HECW1: variants seen among roughly 807,000 people sequenced by gnomAD.
The protein encoded by HECW1 is E3 ubiquitin-protein ligase HECW1.
In HECW1, 61 loss-of-function variants were observed where a neutral mutation model predicts 182.3. The observed-to-expected ratio is 0.33, with a 90% CI of 0.27 to 0.41. The LOEUF is 0.41. Among genes scored for constraint, HECW1 ranks in the 10% least tolerant of loss-of-function variants. HECW1 has a pLI of 1.00. For synonymous variants in HECW1, 859 were observed against 832.6 expected (o/e 1.03, Z -0.55); for missense variants, 1,739 against 2,108.9 (o/e 0.82, Z 3.44).
At chr7:43,237,069 A>AGGAG (rs1798418255) in intron 2 of HECW1, among the ~76,000 whole-genome samples, 2 of 141,930 alleles carry the variant, frequency 1.4e-5, no homozygotes, top group Admixed American at 7.0e-5. Flanking sequence ...AGGGAGGAGA[A>AGGAG]GGAGGGAGGG....
Position 43,445,548 on chromosome 7 carries a change from AG to A in HECW1, c.2378del (p.Gly793ValfsTer19). 1 of 1,597,076 alleles carries A rather than the reference AG, an allele frequency of 6.3e-7. No individual in the cohort carries two copies. The highest frequency in any genetic ancestry group is 8.6e-7 in the Non-Finnish European group (1 of 1,168,676). ...CGGAAGGTCTGGAATCCCCCGTGGC[AG>A]GTCCAAGCAATCGGAGAGAAGGTTA... The part of the protein sequence containing the change: ...SPEGLESPVA[G>X]PSNRREGECP... On this transcript the variant is annotated frameshift_variant, in exon 11 of 30. Transcript: ENST00000395891. LOFTEE classifies it high-confidence loss of function.
chr7:43,449,665 A>G (rs974593985), intron 11 of HECW1, among the ~76,000 whole-genome samples: 1 of 152,218 alleles, frequency 6.6e-6, no homozygotes, highest in Non-Finnish European at 1.5e-5. Context: ...GACCCAAGGG[A>G]TAATGGAACA....
chr7:43,438,286 T>C (rs2076772437), intron 9 of HECW1, 141 bp downstream of exon 9: 2 of 675,090 alleles, frequency 3.0e-6, no homozygotes, highest in Non-Finnish European at 4.8e-6. Flanking sequence ...TCCTACTAAT[T>C]ATGTTGCCTG....
At chr7:43,398,771 C>T (rs757334235) in intron 7 of HECW1, among the ~76,000 whole-genome samples, 26 of 152,202 alleles carry the variant, frequency 1.7e-4, no homozygotes, top group Non-Finnish European at 3.2e-4. Flanking sequence ...TAGTATCACT[C>T]AAATCAGTCT....
intron 6 of HECW1, among the ~76,000 whole-genome samples, chr7:43,382,321 G>C (rs1020911872): frequency 2.0e-5 from 3 of 152,044 alleles, no homozygotes; most frequent in African/African-American, 7.2e-5. Flanking sequence ...AGCCCCTTCA[G>C]AGGACTGTGG....
At chr7:43,365,461 C>CG (rs1562890652) in intron 6 of HECW1, among the ~76,000 whole-genome samples, 1 of 151,846 alleles carries the variant, frequency 6.6e-6, no homozygotes, top group Admixed American at 6.6e-5. Flanking sequence ...CATTCCCACC[C>CG]GTGTGGGGCC....
intron 6 of HECW1, among the ~76,000 whole-genome samples, chr7:43,375,890 C>CAA (rs71011911): frequency 0.011 from 1,085 of 102,364 alleles, 11 homozygotes; most frequent in African/African-American, 0.019. Context: ...AGACCCTTCT[C>CAA]AAAAAAAAAA....
At chr7:43,374,773 C>CAAAA (rs66910107) in intron 6 of HECW1, among the ~76,000 whole-genome samples, 1 of 14,502 alleles carries the variant, frequency 6.9e-5, no homozygotes. Context: ...GACTCCGTCT[C>CAAAA]AAAAAAAAAA....
chr7:43,280,963 A>T (rs898901483), intron 3 of HECW1, among the ~76,000 whole-genome samples: 1 of 152,056 alleles, frequency 6.6e-6, no homozygotes, highest in African/African-American at 2.4e-5. Context: ...CCGACACAGT[A>T]TTCTCTTTTC....
chr7:43,192,669 A>C (rs1794038927), intron 2 of HECW1, among the ~76,000 whole-genome samples: 1 of 152,198 alleles, frequency 6.6e-6, no homozygotes, highest in African/African-American at 2.4e-5. Flanking sequence ...AATTGTCCTT[A>C]ATGCTACCAG....
rs1049579143 is a variant in HECW1 at position 43,536,848 on chromosome 7, G to A, written c.4020-4315G>A. On this transcript the variant is annotated intron_variant, in intron 24 of 29. Transcript: ENST00000395891. ...CAACTCCTCCGCGAGGCCCCTCTAAGACAGCAGGACAACACGGAGGAGCCA... is the reference window on the plus strand; with the variant it reads ...CAACTCCTCCGCGAGGCCCCTCTAAAACAGCAGGACAACACGGAGGAGCCA... Among the ~76,000 whole-genome samples, 2 of 152,176 alleles carry A rather than the reference G, an allele frequency of 1.3e-5. 1 individual carries two copies. The highest frequency in any genetic ancestry group is 4.1e-4 in the South Asian group (2 of 4,834).
chr7:43,184,259 C>T (rs565600845), intron 2 of HECW1, among the ~76,000 whole-genome samples: 4 of 152,260 alleles, frequency 2.6e-5, no homozygotes, highest in Non-Finnish European at 4.4e-5. Context: ...GTGATCCGCC[C>T]GCCTCGGCTT....
chr7:43,450,488 G>A (rs987272893), intron 11 of HECW1, among the ~76,000 whole-genome samples: 1 of 152,144 alleles, frequency 6.6e-6, no homozygotes, highest in Non-Finnish European at 1.5e-5. Flanking sequence ...TTCCTCCACT[G>A]GGCTAAAATC....
chr7:43,223,580 T>C (rs1358025214), intron 2 of HECW1, among the ~76,000 whole-genome samples: 1 of 152,036 alleles, frequency 6.6e-6, no homozygotes, highest in Non-Finnish European at 1.5e-5. Flanking sequence ...GATTGCACCA[T>C]TCCACTCCAG....
chr7:43,304,592 G>GCGAT (rs1464841918), intron 3 of HECW1, among the ~76,000 whole-genome samples: 1 of 152,014 alleles, frequency 6.6e-6, no homozygotes, highest in Non-Finnish European at 1.5e-5. Flanking sequence ...CCTGGTTCAA[G>GCGAT]CGATTCTCCT....
At chr7:43,139,203 C>T (rs1225665688) in intron 2 of HECW1, among the ~76,000 whole-genome samples, 4 of 152,192 alleles carry the variant, frequency 2.6e-5, no homozygotes, top group African/African-American at 7.2e-5. Flanking sequence ...CACAGCATCC[C>T]CAGAAGCATT....
At chr7:43,309,109 C>T (rs1458838220) in intron 3 of HECW1, among the ~76,000 whole-genome samples, 1 of 152,134 alleles carries the variant, frequency 6.6e-6, no homozygotes, top group Non-Finnish European at 1.5e-5. Flanking sequence ...CAACTAGCAA[C>T]AGTACCTAAG....
rs369965476 is a variant in HECW1 at position 43,463,785 on chromosome 7, C to A, written c.2777C>A (p.Ser926Tyr). ...GGGSDSEAES[S>Y]QSSLDLRREG... Reference sequence around the variant, plus strand: ...GGGAGTGACTCAGAAGCCGAATCTTCCCAGTCCAGCTTAGGTATTGGAGGA... The same window carrying A: ...GGGAGTGACTCAGAAGCCGAATCTTACCAGTCCAGCTTAGGTATTGGAGGA... Residue 926 changes from serine (S) to tyrosine (Y), a missense_variant, in exon 14 of 30, where the codon TCC (serine) becomes TAC (tyrosine). Transcript: ENST00000395891. 1.7e-5 allele frequency: 28 copies of A among 1,613,786 alleles called. No homozygotes were observed. In the African/African-American group the frequency reaches 2.9e-4, roughly 17 times the overall value.
intron 8 of HECW1, among the ~76,000 whole-genome samples, chr7:43,423,497 C>T (rs1225476135): frequency 6.6e-6 from 1 of 152,226 alleles, no homozygotes; most frequent in East Asian, 1.9e-4. Context: ...TTGATATTCA[C>T]TTGCCAAAGT....
Sources: allele counts gnomAD v4.1 joint callset (sites outside exome capture counted in the v4.1 genomes callset), GRCh38; gene constraint gnomAD v4.1.1; transcripts MANE v1.5; gene names NCBI Gene and HGNC (gene_info 2026-07-23, HGNC 2026-07-21).